Variants in UNC13A observed in about 807,000 individuals in gnomAD.
The protein encoded by UNC13A is protein unc-13 homolog A.
In UNC13A, 61 loss-of-function variants were observed where a neutral mutation model predicts 219.7. That is an observed-to-expected ratio of 0.28 (90% confidence interval 0.23 to 0.34). The LOEUF is 0.34. Ranked by LOEUF, UNC13A falls within the 10% of genes least tolerant of loss-of-function variation. The probability of loss-of-function intolerance (pLI) is 1.00; values close to 1 mark genes in which losing one functional copy is unlikely to be tolerated. For synonymous variants in UNC13A, 920 were observed against 884.6 expected (o/e 1.04, Z -0.71); for missense variants, 1,476 against 2,270.3 (o/e 0.65, Z 7.11).
chr19:17,661,159 A>T (rs1345514478), intron 8 of UNC13A, among the ~76,000 whole-genome samples: 1 of 144,584 alleles, frequency 6.9e-6, no homozygotes, highest in Non-Finnish European at 1.5e-5. Flanking sequence ...GGCTGATTTC[A>T]GACTTTGGAG....
intron 6 of UNC13A, 121 bp from the exon 7 acceptor site, chr19:17,666,825 CT>C: frequency 1.8e-6 from 1 of 557,774 alleles, no homozygotes. Context: ...CTCTCCCTCT[CT>C]ATGAGAAGGA....
At chr19:17,617,110 G>T (rs1193653734) in intron 41 of UNC13A, among the ~76,000 whole-genome samples, 1 of 152,098 alleles carries the variant, frequency 6.6e-6, no homozygotes, top group South Asian at 2.1e-4. Flanking sequence ...TGACATCACA[G>T]AGGTCCCTCC....
chr19:17,639,223 G>A lies in UNC13A; in HGVS notation c.2947-6C>T, dbSNP rs2076941962. The A allele has an allele frequency of 6.2e-7, 1 of 1,613,848 alleles. No homozygotes were observed. Among genetic ancestry groups the A allele is most frequent in the East Asian group, 2.2e-5 (1 of 44,876 alleles). On this transcript the variant is annotated splice_polypyrimidine_tract_variant and splice_region_variant and intron_variant, in intron 24 of 43. Coordinates refer to ENST00000519716, the MANE Select transcript of UNC13A (RefSeq NM_001080421.3). ...GGGCTCTGGAGTTCTTGTACCTGAAGGGAGGGAGAGAGGCATAGGCGGCCA... is the reference window on the plus strand; with the variant it reads ...GGGCTCTGGAGTTCTTGTACCTGAAAGGAGGGAGAGAGGCATAGGCGGCCA...
At chr19:17,618,821 C>T (rs1045544925) in intron 39 of UNC13A, 85 bp downstream of exon 39, 5 of 1,306,962 alleles carry the variant, frequency 3.8e-6, no homozygotes, top group Admixed American at 3.4e-5. Flanking sequence ...CATCCTGGGA[C>T]CCCTCCCCCA....
Position 17,627,558 on chromosome 19 carries a change from C to A in UNC13A, c.3871G>T (p.Val1291Leu). The A allele has an allele frequency of 6.4e-7, 1 of 1,563,836 alleles. No homozygotes were observed. Among genetic ancestry groups the A allele is most frequent in the Non-Finnish European group, 8.7e-7 (1 of 1,153,278 alleles). ...TCATCCAAGACGTTATTGAGTTTCA[C>A]CTGAAGCTCCTTCAGGATGTCACTG... ...EASDILKELQ[V>L]KLNNVLDELS... Residue 1291 changes from valine (V) to leucine (L), a missense_variant, in exon 33 of 44, where the codon GTG becomes TTG. Physicochemically the swap from Val to Leu is conservative, Grantham distance 32 (BLOSUM62 1). Around this residue, in one of 14 missense-constraint regions of UNC13A, gnomAD observed 218 missense variants for 409.4 expected, o/e 0.53. Coordinates refer to ENST00000519716, the MANE Select transcript of UNC13A (RefSeq NM_001080421.3). This position sits in a 1 kb window ranked among gnomAD's most constrained non-coding sequence, Gnocchi z 4.7.
intron 2 of UNC13A, among the ~76,000 whole-genome samples, chr19:17,675,789 C>T (rs1480291204): frequency 6.6e-6 from 1 of 152,136 alleles, no homozygotes; most frequent in African/African-American, 2.4e-5. Flanking sequence ...CCCTTACAGA[C>T]TCTCCAAGGA....
chr19:17,677,070 A>T (rs974589554), intron 1 of UNC13A, among the ~76,000 whole-genome samples: 2 of 152,092 alleles, frequency 1.3e-5, no homozygotes, highest in Admixed American at 1.3e-4. Context: ...TGGAGGGTTG[A>T]CAGAGATTGT....
chr19:17,641,650 G>T (rs938229029), intron 20 of UNC13A, 94 bp from the exon 21 acceptor site: 2 of 1,302,288 alleles, frequency 1.5e-6, no homozygotes, highest in African/African-American at 1.5e-5. Flanking sequence ...TCATCCATCT[G>T]CCTGTTTATT....
At chr19:17,616,432 T>A (rs1490008347) in intron 41 of UNC13A, 1 of 688,312 alleles carries the variant, frequency 1.5e-6, no homozygotes, top group Admixed American at 2.1e-5. Flanking sequence ...ATGTCTTCAC[T>A]AAGGGTAAAC....
At chr19:17,656,852 C>CAAA (rs59091574) in intron 9 of UNC13A, among the ~76,000 whole-genome samples, 1 of 102,162 alleles carries the variant, frequency 9.8e-6, no homozygotes, top group Non-Finnish European at 1.9e-5. Context: ...AATTCCGTCT[C>CAAA]AAAAAAAAAA....
chr19:17,683,550 C>T (rs1430408061), intron 1 of UNC13A, among the ~76,000 whole-genome samples: 1 of 151,778 alleles, frequency 6.6e-6, no homozygotes, highest in Admixed American at 6.6e-5. Flanking sequence ...CCCAGCTACT[C>T]GGGAGGCTGA....
chr19:17,656,033 G>A lies in UNC13A; in HGVS notation c.1133C>T (p.Pro378Leu), dbSNP rs768626972. The change falls in exon 10 of 44, where the codon CCG becomes CTG. Residue 378 changes from proline to leucine, a missense_variant. Pro to Leu is a moderately conservative substitution (Grantham distance 98). Coordinates refer to ENST00000519716, the MANE Select transcript of UNC13A (RefSeq NM_001080421.3). Reference protein sequence around the residue: ...EPKDFKRISLPPAAPGKEDKA... With the variant: ...EPKDFKRISLLPAAPGKEDKA... Reference sequence around the variant, plus strand: ...GTCCTCCTTCCCTGGGGCAGCTGGCGGGAGGCTGATGCGTTTGAAGTCTTT... The same window carrying A: ...GTCCTCCTTCCCTGGGGCAGCTGGCAGGAGGCTGATGCGTTTGAAGTCTTT... The A allele has an allele frequency of 1.3e-5, 20 of 1,566,730 alleles. No homozygotes were observed. The Middle Eastern group carries it at 5.0e-4, about 39-fold the overall frequency.
At chr19:17,608,381 TAA>T (rs1313695224) in intron 43 of UNC13A, among the ~76,000 whole-genome samples, 2 of 85,916 alleles carry the variant, frequency 2.3e-5, no homozygotes, top group Non-Finnish European at 4.9e-5. Context: ...TATATGTATA[TAA>T]ATATATATAT....
intron 37 of UNC13A, among the ~76,000 whole-genome samples, 196 bp from the exon 38 acceptor site, chr19:17,620,918 C>T (rs2076723124): frequency 1.3e-5 from 2 of 151,992 alleles, no homozygotes; most frequent in Admixed American, 1.3e-4. Context: ...AGGTCAGACT[C>T]CTTGACTGCC....
At chr19:17,608,361 A>G (rs888985833) in intron 43 of UNC13A, among the ~76,000 whole-genome samples, 3 of 111,778 alleles carry the variant, frequency 2.7e-5, no homozygotes, top group Admixed American at 2.3e-4. Context: ...TATAATATAA[A>G]TATATATTAT....
In UNC13A at chr19:17,627,657, T is replaced by C. The variant is rs3810441; in HGVS notation, c.3832-60A>G. 170,213 of 1,422,904 alleles carry C rather than the reference T, an allele frequency of 0.12. 10,875 individuals carry two copies. Among genetic ancestry groups the C allele is most frequent in the Middle Eastern group, 0.18 (1,048 of 5,718 alleles). 88.1% of individuals were successfully genotyped at this position (1,422,904 alleles called of 1,614,324 possible). A position where few individuals can be genotyped will look rare whatever the true frequency, so the allele number is the denominator to read the frequency against. On this transcript the variant is annotated intron_variant, in intron 32 of 43. Coordinates refer to ENST00000519716, the MANE Select transcript of UNC13A (RefSeq NM_001080421.3). This position sits in a 1 kb window ranked among gnomAD's most constrained non-coding sequence, Gnocchi z 4.7. ...GTAAGTATCCACATGTACTGGGCAT[T>C]TTCTCATCTGACCCAGGGAAAGGGA...
rs113777474 is a variant in UNC13A at position 17,632,651 on chromosome 19, C to T, written c.3428+131G>A. 8.7e-5 allele frequency: 120 copies of T among 1,373,126 alleles called. No individual in the cohort carries two copies. The African/African-American group carries it at 1.5e-3, about 17-fold the overall frequency. 85.1% of individuals were successfully genotyped at this position (1,373,126 alleles called of 1,614,324 possible). Reference sequence around the variant, plus strand: ...GCTCAATGGCTGAGAGTGGAGAACACTGGATTCAAGCCCCACCCATGCCCC... The same window carrying T: ...GCTCAATGGCTGAGAGTGGAGAACATTGGATTCAAGCCCCACCCATGCCCC... On this transcript the variant is annotated intron_variant, in intron 28 of 43. Coordinates refer to ENST00000519716, the MANE Select transcript of UNC13A (RefSeq NM_001080421.3).
chr19:17,666,195 CTCTT>C (rs1416481164), intron 7 of UNC13A, among the ~76,000 whole-genome samples: 1 of 15,838 alleles, frequency 6.3e-5, no homozygotes, highest in Admixed American at 3.5e-4. Flanking sequence ...CTCTCTTTCT[CTCTT>C]TCTTTCTCTT....
intron 28 of UNC13A, among the ~76,000 whole-genome samples, chr19:17,631,244 T>C (rs989488768): frequency 8.3e-6 from 1 of 120,382 alleles, no homozygotes; most frequent in African/African-American, 2.9e-5. Context: ...CCTTCCTTCC[T>C]GGGTCTTGTT....
Sources: allele counts gnomAD v4.1 joint callset (sites outside exome capture counted in the v4.1 genomes callset), GRCh38; gene constraint gnomAD v4.1.1; regional missense constraint gnomAD v4.1.1; non-coding constraint Gnocchi (gnomAD v3.1); transcripts MANE v1.5; gene names NCBI Gene and HGNC (gene_info 2026-07-23, HGNC 2026-07-21).